Variants in GNS observed in about 807,000 individuals in gnomAD.
GNS encodes glucosamine (N-acetyl)-6-sulfatase.
Under a neutral mutation model 69.7 loss-of-function variants are expected in GNS, and 40 were observed. The ratio of observed to expected loss-of-function variants is 0.57; its 90% CI spans 0.45 to 0.75. The LOEUF (loss-of-function observed/expected upper bound fraction) is 0.75. Ranked by LOEUF, GNS falls within the 30% of genes least tolerant of loss-of-function variation. The probability of loss-of-function intolerance (pLI) is 0.00; values close to 1 mark genes in which losing one functional copy is unlikely to be tolerated. For missense variants in GNS, 565 were observed against 685.5 expected, an observed-to-expected ratio of 0.82 and a Z score of 1.96; for synonymous variants, 243 against 251.6, an observed-to-expected ratio of 0.97 and a Z score of 0.32.
At chr12:64,731,075 TTTTTG>T (rs1328332510) in intron 9 of GNS, among the ~76,000 whole-genome samples, 2 of 152,180 alleles carry the variant, frequency 1.3e-5, no homozygotes, top group South Asian at 2.1e-4. Context: ...GGGAAGCTCT[TTTTTG>T]TTTTGTTGTT....
chr12:64,739,467 A>C lies in GNS; in HGVS notation c.908T>G (p.Val303Gly), dbSNP rs1399495645. 23 of 1,604,898 alleles carry C rather than the reference A, an allele frequency of 1.4e-5. No homozygotes were observed. Among genetic ancestry groups the C allele is most frequent in the Middle Eastern group, 1.7e-4 (1 of 6,036 alleles). Residue 303 changes from valine (V) to glycine (G), a missense_variant, in exon 8 of 14, where the codon GTG becomes GGG. Val to Gly is a moderately radical substitution (Grantham distance 109). This residue lies in a region of GNS where 384 missense variants were observed against 511.0 expected (regional missense o/e 0.75). Coordinates refer to ENST00000258145, the MANE Select transcript of GNS (RefSeq NM_002076.4). ...WQTLLSVDDLVEKLVKRLEFT... is the reference protein window; with the variant it reads ...WQTLLSVDDLGEKLVKRLEFT... ...CTCCAGCCTCTTGACCAGTTTCTCC[A>C]CAAGGTCATCAACTGAGAGGAGAGT...
intron 3 of GNS, among the ~76,000 whole-genome samples, chr12:64,747,091 G>C (rs1869918568): frequency 6.6e-6 from 1 of 152,160 alleles, no homozygotes; most frequent in Admixed American, 6.5e-5. Context: ...TGGGCACATG[G>C]AATCCAGCCT....
intron 2 of GNS, among the ~76,000 whole-genome samples, chr12:64,751,308 T>G (rs1165228139): frequency 6.6e-6 from 1 of 152,252 alleles, no homozygotes; most frequent in East Asian, 1.9e-4. Context: ...TTTATCTTGC[T>G]GAATTCTAGT....
chr12:64,756,587 G>C, intron 1 of GNS: 1 of 618,826 alleles, frequency 1.6e-6, no homozygotes, highest in Middle Eastern at 2.5e-4. Flanking sequence ...TCCAGTTTTA[G>C]TTTCCTTTTA....
chr12:64,716,857 T>A, intron 13 of GNS, 38 bp from the exon 14 acceptor site: 1 of 1,227,474 alleles, frequency 8.1e-7, no homozygotes, highest in Non-Finnish European at 1.2e-6. Context: ...TAGCTCTCAC[T>A]AGCTTCTCAC....
In GNS at chr12:64,723,125, A is replaced by G. The variant is rs1869085059; in HGVS notation, c.1201-12T>C. 1.3e-6 allele frequency: 2 copies of G among 1,491,452 alleles called. No homozygotes were observed. The highest frequency in any genetic ancestry group is 1.9e-6 in the Non-Finnish European group (2 of 1,067,908). 92.4% of individuals were successfully genotyped at this position (1,491,452 alleles called of 1,614,324 possible). A position where few individuals can be genotyped will look rare whatever the true frequency, so the allele number is the denominator to read the frequency against. The stretch of plus-strand genomic sequence containing the variant: ...TTACTGGCACCTCTCTAGAAAGAAG[A>G]GCAAGTGGAATTTCTGTGATGCACA... On this transcript the variant is annotated splice_polypyrimidine_tract_variant and intron_variant, in intron 10 of 13. Coordinates refer to ENST00000258145, the MANE Select transcript of GNS (RefSeq NM_002076.4).
At position 64,740,677 on chromosome 12, in the gene GNS, C is replaced by CTT; in HGVS notation, c.803_804insAA (p.Trp268Ter). ...TTGGAGTCTTGGCTTGCCTAATTAA[C>CTT]CAGTGCTTGTTCTAAAATTTAGAAG... ...NFNIHGTNKH[W>*]LIRQAKTPMT... The change falls in exon 7 of 14, where the codon TGG becomes TGAAG. Residue 268 changes from tryptophan to a stop codon, truncating the protein, a stop_gained and frameshift_variant. Coordinates refer to ENST00000258145, the MANE Select transcript of GNS (RefSeq NM_002076.4). LOFTEE classifies it high-confidence loss of function. The CTT allele has an allele frequency of 6.4e-7, 1 of 1,550,714 alleles. No individual in the cohort carries two copies. Among genetic ancestry groups the CTT allele is most frequent in the Non-Finnish European group, 8.9e-7 (1 of 1,122,452 alleles).
intron 10 of GNS, among the ~76,000 whole-genome samples, chr12:64,724,440 C>T (rs772011419): frequency 1.2e-4 from 19 of 152,162 alleles, no homozygotes; most frequent in Non-Finnish European, 1.6e-4. Flanking sequence ...CCTTGAATGC[C>T]GCAGCCACCT....
intron 5 of GNS, 65 bp downstream of exon 5, chr12:64,744,744 C>T: frequency 1.2e-6 from 1 of 807,830 alleles, no homozygotes; most frequent in East Asian, 2.4e-5. Flanking sequence ...GTTTTCTAGG[C>T]AGAGTCTTCA....
rs754732625 is a variant in GNS, at chr12:64,759,181, G to T, written c.96C>A (p.Gly32=). 28 of 1,550,660 alleles carry T rather than the reference G, an allele frequency of 1.8e-5. No individual in the cohort carries two copies. In the South Asian group the frequency reaches 3.3e-4, roughly 18 times the overall value. The change falls in exon 1 of 14, where the codon GGC becomes GGA. Residue 32 remains glycine, a synonymous_variant. Coordinates refer to ENST00000258145, the MANE Select transcript of GNS (RefSeq NM_002076.4). ...CCACCCCGAAGACCCCCAGGCAGCC[G>T]CCCAGCACCAGCAGTAGCAGCGCTG... ...CSPALLLLVL[G]GCLGVFGVAA...
chr12:64,724,101 T>C (rs748371405), intron 10 of GNS, among the ~76,000 whole-genome samples: 4 of 152,200 alleles, frequency 2.6e-5, no homozygotes, highest in Non-Finnish European at 4.4e-5. Flanking sequence ...GTTGGGAGCT[T>C]GGAGATGCAG....
At chr12:64,723,851 G>A (rs1313251335) in intron 10 of GNS, among the ~76,000 whole-genome samples, 1 of 152,158 alleles carries the variant, frequency 6.6e-6, no homozygotes, top group Non-Finnish European at 1.5e-5. Context: ...AGGCAGGCTG[G>A]TACCACACAG....
intron 1 of GNS, among the ~76,000 whole-genome samples, chr12:64,757,146 T>C (rs146265888): frequency 6.6e-6 from 1 of 152,250 alleles, no homozygotes; most frequent in East Asian, 1.9e-4. Context: ...ACCACTGCAC[T>C]CCAGCCTGGA....
chr12:64,736,365 AG>A (rs1255000560), intron 9 of GNS, among the ~76,000 whole-genome samples: 1 of 152,260 alleles, frequency 6.6e-6, no homozygotes, highest in Admixed American at 6.5e-5. Context: ...AGCCCAGCAC[AG>A]GGAAAGACTA....
At chr12:64,729,106 C>G in intron 9 of GNS, 49 bp from the exon 10 acceptor site, 1 of 976,708 alleles carries the variant, frequency 1.0e-6, no homozygotes. Context: ...GTCTCATTTT[C>G]CTTTTCTACC....
At chr12:64,732,374 T>C (rs1869429817) in intron 9 of GNS, among the ~76,000 whole-genome samples, 1 of 151,450 alleles carries the variant, frequency 6.6e-6, no homozygotes, top group African/African-American at 2.4e-5. Context: ...TTCACCGTTT[T>C]AGCCAGGATG....
intron 13 of GNS, 91 bp from the exon 14 acceptor site, chr12:64,716,910 A>G: frequency 2.4e-6 from 2 of 838,492 alleles, no homozygotes; most frequent in Non-Finnish European, 4.1e-6. Flanking sequence ...AAGGGGTGTA[A>G]AAGAAACAAA....
At position 64,759,198 on chromosome 12, in the gene GNS, G is replaced by C. The variant is rs1205412348; in HGVS notation, c.79C>G (p.Leu27Val). The change falls in exon 1 of 14, where the codon CTA becomes GTA. Residue 27 changes from leucine to valine, a missense_variant. Physicochemically the swap from Leu to Val is conservative, Grantham distance 32. Coordinates refer to ENST00000258145, the MANE Select transcript of GNS (RefSeq NM_002076.4). ...RHLPSCSPALLLLVLGGCLGV... is the reference protein window; with the variant it reads ...RHLPSCSPALVLLVLGGCLGV... ...AGGCAGCCGCCCAGCACCAGCAGTA[G>C]CAGCGCTGGGCTGCAGGAGGGCAGG... 1 of 1,547,584 alleles carries C rather than the reference G, an allele frequency of 6.5e-7. No homozygotes were observed. The highest frequency in any genetic ancestry group is 2.4e-5 in the East Asian group (1 of 40,966).
chr12:64,744,477 T>C (rs1470677981), intron 5 of GNS, among the ~76,000 whole-genome samples: 1 of 152,218 alleles, frequency 6.6e-6, no homozygotes, highest in African/African-American at 2.4e-5. Context: ...TGACATCTTG[T>C]AGCTTGTGAG....
Sources: gnomAD v4.1 joint callset for allele counts (sites outside exome capture counted in the v4.1 genomes callset) on GRCh38, gnomAD v4.1.1 for gene constraint, gnomAD v4.1.1 regional missense constraint, MANE v1.5 for transcripts, NCBI Gene and HGNC (gene_info 2026-07-23, HGNC 2026-07-21) for gene names.